The following GUCY2D variants were observed in gnomAD, a reference collection of about 807,000 sequenced individuals.
GUCY2D encodes the protein retinal guanylyl cyclase 1.
A neutral mutation model predicts 101.3 loss-of-function variants in GUCY2D; 70 were observed. The ratio of observed to expected loss-of-function variants is 0.69; its 90% confidence interval spans 0.57 to 0.84. GUCY2D has a LOEUF of 0.84. Ranked by LOEUF, GUCY2D falls within the 40% of genes least tolerant of loss-of-function variation. GUCY2D has a pLI of 0.00. For synonymous variants in GUCY2D, 688 were observed against 670.7 expected, an observed-to-expected ratio of 1.03 and a Z score of -0.40; for missense variants, 1,460 against 1,542.5, an observed-to-expected ratio of 0.95 and a Z score of 0.90.
chr17:8,006,566 G>A lies in GUCY2D; in HGVS notation c.1230G>A (p.Ala410=), dbSNP rs542570988. The A allele has an allele frequency of 4.3e-6, 7 of 1,613,430 alleles. No individual in the cohort carries two copies. Among genetic ancestry groups the A allele is most frequent in the East Asian group, 4.5e-5 (2 of 44,872 alleles). Reference sequence around the variant, plus strand: ...TCGTGCTGCTAGACACGGACGCGGCGGGAGACCGGCTTTTTGCCACATACA... The same window carrying A: ...TCGTGCTGCTAGACACGGACGCGGCAGGAGACCGGCTTTTTGCCACATACA... The part of the protein sequence containing the change: ...PPFVLLDTDA[A]GDRLFATYML... Residue 410 remains alanine, a synonymous_variant, in exon 4 of 20, where the codon GCG becomes GCA. Transcript: ENST00000254854.
intron 19 of GUCY2D, among the ~76,000 whole-genome samples, chr17:8,019,031 A>T (rs1432935881): frequency 3.3e-5 from 5 of 152,186 alleles, no homozygotes; most frequent in African/African-American, 1.2e-4. Context: ...AAATACGATG[A>T]ATTAAAGATT....
Position 8,014,531 on chromosome 17 carries a change from T to C in GUCY2D, c.2413-70T>C. On this transcript the variant is annotated intron_variant, in intron 12 of 19. Coordinates refer to ENST00000254854, the MANE Select transcript of GUCY2D (RefSeq NM_000180.4). This position sits in a 1 kb window ranked among gnomAD's most constrained non-coding sequence, Gnocchi z 4.0. ...GTGAACAGCCCCATGAGAGGGCCCA[T>C]GAGGGGGGCATAAAGAGGGCATGGC... The C allele has an allele frequency of 7.1e-7, 1 of 1,410,062 alleles. No homozygotes were observed. The highest frequency in any genetic ancestry group is 1.2e-5 in the South Asian group (1 of 86,784). The allele number at this position is 1,410,062 out of a possible 1,614,324, so 87.3% of individuals were successfully genotyped here.
At chr17:8,008,568 G>A (rs1266118153) in intron 7 of GUCY2D, among the ~76,000 whole-genome samples, 1 of 152,206 alleles carries the variant, frequency 6.6e-6, no homozygotes, top group Non-Finnish European at 1.5e-5. Flanking sequence ...TGAGAGTGCT[G>A]AGCAAATCAA....
chr17:8,006,194 AAG>A (rs530185073), intron 3 of GUCY2D, among the ~76,000 whole-genome samples, 167 bp from the exon 4 acceptor site: 1 of 145,244 alleles, frequency 6.9e-6, no homozygotes, highest in Non-Finnish European at 1.5e-5. Flanking sequence ...GGGAGGGAGG[AAG>A]AGAGCCAATG....
In GUCY2D at chr17:8,003,605, G is replaced by C; in HGVS notation, c.558G>C (p.Leu186=). 6.3e-7 allele frequency: 1 copy of C among 1,589,068 alleles called. No homozygotes were observed. The highest frequency in any genetic ancestry group is 1.7e-5 in the Admixed American group (1 of 59,446). ...CATTCGGCTGGGCGCGCGTGGCCCT[G>C]GTCACCGCCCCCCAGGACCTGTGGG... is the stretch of plus-strand genomic sequence containing the variant. ...LRAFGWARVA[L]VTAPQDLWVE... The change falls in exon 2 of 20, where the codon CTG becomes CTC. Residue 186 remains leucine (L), a synonymous_variant. Coordinates refer to ENST00000254854, the MANE Select transcript of GUCY2D (RefSeq NM_000180.4).
At chr17:8,010,410 C>T (rs998878767) in intron 8 of GUCY2D, among the ~76,000 whole-genome samples, 1 of 152,086 alleles carries the variant, frequency 6.6e-6, no homozygotes, top group Admixed American at 6.6e-5. Context: ...TGGCCTTCTT[C>T]CCTGATTCCT....
intron 19 of GUCY2D, among the ~76,000 whole-genome samples, chr17:8,017,984 G>C (rs527767509): frequency 2.6e-5 from 4 of 152,164 alleles, no homozygotes; most frequent in Non-Finnish European, 4.4e-5. Flanking sequence ...GTGAGACACC[G>C]CGCCTGACCT....
At position 8,006,580 on chromosome 17, in the gene GUCY2D, T is replaced by C. The variant is rs764174190; in HGVS notation, c.1244T>C (p.Phe415Ser). ...ACGGACGCGGCGGGAGACCGGCTTT[T>C]TGCCACATACATGCTGGATCCTGCC... ...LDTDAAGDRL[F>S]ATYMLDPARG... Residue 415 changes from phenylalanine (F) to serine (S), a missense_variant, in exon 4 of 20, where the codon TTT (phenylalanine) becomes TCT (serine). By Grantham distance (155) the Phe-to-Ser change is radical. Coordinates refer to ENST00000254854, the MANE Select transcript of GUCY2D (RefSeq NM_000180.4). 6.2e-7 allele frequency: 1 copy of C among 1,613,702 alleles called. No homozygotes were observed. The highest frequency in any genetic ancestry group is 1.1e-5 in the South Asian group (1 of 91,070).
At chr17:8,016,587 G>T (rs1019352157) in intron 19 of GUCY2D, 33 bp downstream of exon 19, 1 of 1,106,896 alleles carries the variant, frequency 9.0e-7, no homozygotes, top group Non-Finnish European at 1.3e-6. Context: ...CCCAGCTGCC[G>T]CGTCCCCTCT....
chr17:8,016,510 C>T lies in GUCY2D; in HGVS notation c.3292C>T (p.Arg1098Trp), dbSNP rs776624188. 3.8e-6 allele frequency: 6 copies of T among 1,572,704 alleles called. No homozygotes were observed. The highest frequency in any genetic ancestry group is 3.3e-4 in the Middle Eastern group (2 of 6,014). ...GCGGCGACGGAAGCTGGAGAAGGCG[C>T]GGCCGGGCCAGTTCTCTTGAGAAGT... ...PERRRKLEKA[R>W]PGQFS Residue 1098 changes from arginine (R) to tryptophan (W), a missense_variant, in exon 19 of 20, where the codon CGG becomes TGG. Coordinates refer to ENST00000254854, the MANE Select transcript of GUCY2D (RefSeq NM_000180.4).
chr17:8,010,886 C>T (rs1176960672), intron 8 of GUCY2D, among the ~76,000 whole-genome samples: 3 of 151,700 alleles, frequency 2.0e-5, no homozygotes, highest in Non-Finnish European at 4.4e-5. Context: ...AGAAAGGGCA[C>T]CAGTCAGCCA....
intron 14 of GUCY2D, 76 bp from the exon 15 acceptor site, chr17:8,015,252 G>C (rs1975941434): frequency 7.1e-7 from 1 of 1,408,814 alleles, no homozygotes; most frequent in South Asian, 1.2e-5. Flanking sequence ...GGTGGGCCCG[G>C]TGACAAGAGG....
rs904414208 is a variant in GUCY2D at position 8,003,482 on chromosome 17, C to T, written c.435C>T (p.Ile145=). The T allele has an allele frequency of 6.6e-7, 1 of 1,525,958 alleles. No homozygotes were observed. Among genetic ancestry groups the T allele is most frequent in the East Asian group, 2.5e-5 (1 of 39,956 alleles). The allele number at this position is 1,525,958 out of a possible 1,614,324, so 94.5% of individuals were successfully genotyped here. Residue 145 remains isoleucine, a synonymous_variant, in exon 2 of 20, where the codon ATC becomes ATT. Transcript: ENST00000254854. ...PAELLAEEAG[I]ALVPWGCPWT... ...AGCTGCTCGCCGAAGAAGCCGGGAT[C>T]GCGCTGGTGCCCTGGGGCTGCCCCT...
intron 4 of GUCY2D, 76 bp downstream of exon 4, chr17:8,006,790 C>G: frequency 7.9e-7 from 1 of 1,273,600 alleles, no homozygotes; most frequent in Non-Finnish European, 1.1e-6. Context: ...AGAGTGGACT[C>G]CTATCCTGTA....
Position 8,016,531 on chromosome 17 carries a change from G to A in GUCY2D, c.*1G>A. ...GGCGCGGCCGGGCCAGTTCTCTTGA[G>A]AAGTGAGGCCCGGCCCCGGACAGGT... On this transcript the variant is annotated 3_prime_UTR_variant, in exon 19 of 20. Coordinates refer to ENST00000254854, the MANE Select transcript of GUCY2D (RefSeq NM_000180.4). 6.4e-7 allele frequency: 1 copy of A among 1,555,018 alleles called. No individual in the cohort carries two copies. Among genetic ancestry groups the A allele is most frequent in the Non-Finnish European group, 8.7e-7 (1 of 1,149,068 alleles).
At chr17:8,010,681 G>T (rs187098034) in intron 8 of GUCY2D, among the ~76,000 whole-genome samples, 1 of 151,750 alleles carries the variant, frequency 6.6e-6, no homozygotes, top group African/African-American at 2.4e-5. Context: ...GGTGGCGGGC[G>T]CCTGTAGTCC....
chr17:8,006,804 C>A (rs1975753633), intron 4 of GUCY2D, 90 bp downstream of exon 4: 2 of 1,175,402 alleles, frequency 1.7e-6, no homozygotes, highest in Non-Finnish European at 2.5e-6. Context: ...TCCTGTAATC[C>A]GTCTTCGATG....
chr17:8,011,394 A>G lies in GUCY2D; in HGVS notation c.1750-750A>G, dbSNP rs1975848796. On this transcript the variant is annotated intron_variant, in intron 8 of 19. Coordinates refer to ENST00000254854, the MANE Select transcript of GUCY2D (RefSeq NM_000180.4). This position sits in a 1 kb window ranked among gnomAD's most constrained non-coding sequence, Gnocchi z 4.3. ...AATCTGTCTAAAAAAAAAATACATA[A>G]ACAAAAGAAAAGAAAGAAAGTGGCA... 6.6e-6 allele frequency among the ~76,000 whole-genome samples: 1 copy of G among 152,044 alleles called. No homozygotes were observed. The highest frequency in any genetic ancestry group is 2.4e-5 in the African/African-American group (1 of 41,388).
Position 8,003,490 on chromosome 17 carries a change from T to C in GUCY2D, c.443T>C (p.Val148Ala). 6.5e-7 allele frequency: 1 copy of C among 1,528,240 alleles called. No homozygotes were observed. The highest frequency in any genetic ancestry group is 8.7e-7 in the Non-Finnish European group (1 of 1,143,940). The allele number at this position is 1,528,240 out of a possible 1,614,324, so 94.7% of individuals were successfully genotyped here. A position where few individuals can be genotyped will look rare whatever the true frequency, so the allele number is the denominator to read the frequency against. The change falls in exon 2 of 20, where the codon GTG becomes GCG. Residue 148 changes from valine to alanine, a missense_variant. Around this residue, in one of 3 missense-constraint regions of GUCY2D, gnomAD observed 1,196 missense variants for 1,229.6 expected, o/e 0.97. Coordinates refer to ENST00000254854, the MANE Select transcript of GUCY2D (RefSeq NM_000180.4). ...LLAEEAGIAL[V>A]PWGCPWTQAE... Reference sequence around the variant, plus strand: ...GCCGAAGAAGCCGGGATCGCGCTGGTGCCCTGGGGCTGCCCCTGGACGCAG... The same window carrying C: ...GCCGAAGAAGCCGGGATCGCGCTGGCGCCCTGGGGCTGCCCCTGGACGCAG...
Sources: allele counts gnomAD v4.1 joint callset (sites outside exome capture counted in the v4.1 genomes callset), GRCh38; gene constraint gnomAD v4.1.1; regional missense constraint gnomAD v4.1.1; non-coding constraint Gnocchi (gnomAD v3.1); transcripts MANE v1.5; gene names NCBI Gene and HGNC (gene_info 2026-07-23, HGNC 2026-07-21).